The following CAPN6 variants were observed in gnomAD, a reference collection of about 807,000 sequenced individuals.
CAPN6 encodes the protein calpain-6.
Under a neutral mutation model 46.0 loss-of-function variants are expected in CAPN6, and 16 were observed. The ratio of observed to expected loss-of-function variants is 0.35; its 90% CI spans 0.24 to 0.53. The LOEUF is 0.53. Ranked by LOEUF, CAPN6 falls within the 20% of genes least tolerant of loss-of-function variation. CAPN6 has a pLI of 0.94. For missense variants in CAPN6, 461 were observed against 498.0 expected (o/e 0.93, Z 0.71); for synonymous variants, 206 against 172.8 (o/e 1.19, Z -1.51).
At chrX:111,249,091 G>A (rs1230059212) in intron 8 of CAPN6, 34 bp from the exon 9 acceptor site, 2 of 1,194,285 alleles carry the variant, frequency 1.7e-6, no homozygotes, top group African/African-American at 1.7e-5. Context: ...AGGTGAGTTA[G>A]CATTCCCATT....
intron 1 of CAPN6, among the ~76,000 whole-genome samples, chrX:111,269,596 C>T (rs1173472977): frequency 1.8e-5 from 2 of 111,769 alleles, no homozygotes; most frequent in Admixed American, 9.5e-5. Context: ...TCCTTTTTCC[C>T]GTCCCCCACC....
intron 1 of CAPN6, among the ~76,000 whole-genome samples, chrX:111,269,376 A>G (rs1324587112): frequency 2.7e-5 from 3 of 112,437 alleles, no homozygotes; most frequent in Non-Finnish European, 5.6e-5. Flanking sequence ...ATTACTTCAG[A>G]CTGTAAAGTG....
At position 111,254,361 on chromosome X, in the gene CAPN6, T is replaced by C; in HGVS notation, c.208A>G (p.Asn70Asp). ...AGTCTCCCTTGGGTCAGCTGGTGGTTGCTAATGTTGCCCACAATCAGATGG... is the reference window on the plus strand; with the variant it reads ...AGTCTCCCTTGGGTCAGCTGGTGGTCGCTAATGTTGCCCACAATCAGATGG... ...DPHLIVGNIS[N>D]HQLTQGRLGH... is the part of the protein sequence containing the mutation. Residue 70 changes from asparagine to aspartate, a missense_variant, in exon 3 of 13, where the codon AAC becomes GAC. Coordinates refer to ENST00000324068, the MANE Select transcript of CAPN6 (RefSeq NM_014289.4). 1 of 1,209,992 alleles carries C rather than the reference T, an allele frequency of 8.3e-7. No homozygotes were observed. The highest frequency in any genetic ancestry group is 1.1e-6 in the Non-Finnish European group (1 of 894,178).
Position 111,263,846 on chromosome X carries a change from T to G in CAPN6, c.91A>C (p.Thr31Pro). The G allele has an allele frequency of 8.3e-7, 1 of 1,208,408 alleles. No homozygotes were observed. Among genetic ancestry groups the G allele is most frequent in the Non-Finnish European group, 1.1e-6 (1 of 893,261 alleles). The change falls in exon 2 of 13, where the codon ACA becomes CCA. Residue 31 changes from threonine to proline, a missense_variant. Transcript: ENST00000324068. Reference sequence around the variant, plus strand: ...AGAGAATCATTCTCAGGCAGAAATGTTGGATCACAGAAAAGTCTGCTGTCT... The same window carrying G: ...AGAGAATCATTCTCAGGCAGAAATGGTGGATCACAGAAAAGTCTGCTGTCT... ...IKDSRLFCDP[T>P]FLPENDSLFY...
rs1199276215 is a variant in CAPN6 at position 111,258,138 on chromosome X, G to A, written c.166-3735C>T. Among the ~76,000 whole-genome samples, 5 of 111,582 alleles carry A rather than the reference G, an allele frequency of 4.5e-5. No homozygotes were observed. In the South Asian group the frequency reaches 1.9e-3, roughly 42 times the overall value. On this transcript the variant is annotated intron_variant, in intron 2 of 12. Transcript: ENST00000324068. Reference sequence around the variant, plus strand: ...TACAAGTCCTGTAGCCCTGCACAAGGCACTCTATGTGACTCCCTTTGCACC... The same window carrying A: ...TACAAGTCCTGTAGCCCTGCACAAGACACTCTATGTGACTCCCTTTGCACC...
intron 8 of CAPN6, among the ~76,000 whole-genome samples, chrX:111,249,858 G>A (rs1475742239): frequency 9.9e-6 from 1 of 101,393 alleles, no homozygotes; most frequent in East Asian, 3.1e-4. Context: ...AAGGAAGGAA[G>A]GAGGGAGGGA....
chrX:111,252,242 A>T, intron 5 of CAPN6, 65 bp downstream of exon 5: 1 of 932,604 alleles, frequency 1.1e-6, no homozygotes, highest in Non-Finnish European at 1.5e-6. Context: ...GAATTTCCCT[A>T]CCAAACTTTG....
chrX:111,249,395 T>A (rs1250660835), intron 8 of CAPN6, among the ~76,000 whole-genome samples: 3 of 110,932 alleles, frequency 2.7e-5, no homozygotes, highest in African/African-American at 9.8e-5. Context: ...TGTATTTAAA[T>A]GCCATATATA....
chrX:111,255,237 T>C (rs1056469345), intron 2 of CAPN6, among the ~76,000 whole-genome samples: 2 of 112,286 alleles, frequency 1.8e-5, no homozygotes, highest in African/African-American at 3.2e-5. Context: ...GCATAATTCA[T>C]GTCTAAAGGA....
intron 2 of CAPN6, among the ~76,000 whole-genome samples, chrX:111,255,391 T>A (rs2094982949): frequency 8.9e-6 from 1 of 112,210 alleles, no homozygotes; most frequent in African/African-American, 3.2e-5. Flanking sequence ...AAAGGCATTG[T>A]GGCATACATG....
chrX:111,255,953 T>C (rs1172935697), intron 2 of CAPN6, among the ~76,000 whole-genome samples: 1 of 112,186 alleles, frequency 8.9e-6, no homozygotes, highest in African/African-American at 3.2e-5. Flanking sequence ...TTGTTTTCAC[T>C]TGTTGAACAT....
At chrX:111,262,596 A>C (rs1288289088) in intron 2 of CAPN6, among the ~76,000 whole-genome samples, 3 of 112,033 alleles carry the variant, frequency 2.7e-5, no homozygotes, top group Non-Finnish European at 5.6e-5. Context: ...AAGAACTTGC[A>C]TTTCACAACA....
At chrX:111,257,764 A>T (rs2094985008) in intron 2 of CAPN6, among the ~76,000 whole-genome samples, 1 of 111,532 alleles carries the variant, frequency 9.0e-6, no homozygotes, top group South Asian at 3.8e-4. Flanking sequence ...AGTGGTAGGA[A>T]TGGGGTTGGA....
In CAPN6 at chrX:111,251,761, A is replaced by G. The variant is rs758558277; in HGVS notation, c.700-19T>C. 2 of 1,165,707 alleles carry G rather than the reference A, an allele frequency of 1.7e-6. No individual in the cohort carries two copies. The highest frequency in any genetic ancestry group is 6.0e-5 in the East Asian group (2 of 33,467). On this transcript the variant is annotated intron_variant, in intron 5 of 12. Transcript: ENST00000324068. Reference sequence around the variant, plus strand: ...TGGGAGACTGAGAGCAAAGAAAGATATATAAAGGCACAGGAATTGGGAGAC... The same window carrying G: ...TGGGAGACTGAGAGCAAAGAAAGATGTATAAAGGCACAGGAATTGGGAGAC...
intron 2 of CAPN6, among the ~76,000 whole-genome samples, chrX:111,261,523 C>T (rs1258499407): frequency 8.9e-6 from 1 of 112,257 alleles, no homozygotes; most frequent in Admixed American, 9.4e-5. Context: ...ACTGTTCAGC[C>T]TCTCTCTCTG....
At chrX:111,247,596 T>C in intron 11 of CAPN6, 92 bp from the exon 12 acceptor site, 1 of 935,858 alleles carries the variant, frequency 1.1e-6, no homozygotes, top group Admixed American at 2.8e-5. Context: ...ATTCTGGGAC[T>C]TTCAGCATAG....
At chrX:111,253,708 T>C (rs1380246856) in intron 3 of CAPN6, among the ~76,000 whole-genome samples, 2 of 112,550 alleles carry the variant, frequency 1.8e-5, no homozygotes, top group East Asian at 5.6e-4. Context: ...AGGAATTTTT[T>C]TTGTATAACA....
chrX:111,251,848 A>G (rs781650591), intron 5 of CAPN6, 106 bp from the exon 6 acceptor site: 19 of 633,971 alleles, frequency 3.0e-5, no homozygotes, highest in African/African-American at 2.2e-4. Flanking sequence ...GCTAGTTCTC[A>G]CACAGATGGA....
intron 2 of CAPN6, among the ~76,000 whole-genome samples, chrX:111,263,125 A>G (rs2094989157): frequency 1.8e-5 from 2 of 112,375 alleles, no homozygotes; most frequent in African/African-American, 6.5e-5. Flanking sequence ...TACTCAAATG[A>G]ACTTCCAAGA....
Sources: allele counts gnomAD v4.1 joint callset (sites outside exome capture counted in the v4.1 genomes callset), GRCh38; gene constraint gnomAD v4.1.1; transcripts MANE v1.5; gene names NCBI Gene and HGNC (gene_info 2026-07-23, HGNC 2026-07-21).